The following FKBP8 variants were observed in gnomAD, a reference collection of about 807,000 sequenced individuals.
FKBP8 encodes the protein FKBP prolyl isomerase 8, also known as peptidyl-prolyl cis-trans isomerase FKBP8.
A neutral mutation model predicts 41.7 loss-of-function variants in FKBP8; 5 were observed. The observed-to-expected ratio is 0.12, with a 90% CI of 0.06 to 0.25. The LOEUF (loss-of-function observed/expected upper bound fraction) is 0.25. Among genes scored for constraint, FKBP8 ranks in the 10% least tolerant of loss-of-function variants. FKBP8 has a pLI of 1.00. For missense variants in FKBP8, 397 were observed against 563.0 expected (o/e 0.71, Z 2.98); for synonymous variants, 279 against 254.5 (o/e 1.10, Z -0.92).
intron 2 of FKBP8, among the ~76,000 whole-genome samples, chr19:18,540,700 T>C (rs1289760224): frequency 3.3e-5 from 5 of 152,086 alleles, no homozygotes; most frequent in African/African-American, 1.2e-4. Flanking sequence ...GGTGAAACCC[T>C]GTCTCTACTA....
In FKBP8 at chr19:18,537,816, AC is replaced by A; in HGVS notation, c.773-44del. 6.4e-7 allele frequency: 1 copy of A among 1,571,710 alleles called. No homozygotes were observed. Among genetic ancestry groups the A allele is most frequent in the South Asian group, 1.2e-5 (1 of 85,468 alleles). On this transcript the variant is annotated intron_variant, in intron 5 of 8. Coordinates refer to ENST00000608443, the MANE Select transcript of FKBP8 (RefSeq NM_012181.5). This position sits in a 1 kb window ranked among gnomAD's most constrained non-coding sequence, Gnocchi z 4.4. ...CCGCCACGGCAGCCGTCACCATGCC[AC>A]CAGACACCCCGGCACCCACCCCTCT...
Position 18,538,113 on chromosome 19 carries a change from T to C in FKBP8, c.772+103A>G. On this transcript the variant is annotated intron_variant, in intron 5 of 8. Transcript: ENST00000608443. The surrounding 1 kb of genome is among the most constrained non-coding windows in gnomAD (Gnocchi z 4.0). Reference sequence around the variant, plus strand: ...GGGGATCTACCCATATTCTGGGCTATTCTAGAATATTCTGAGTCTGAGGCT... The same window carrying C: ...GGGGATCTACCCATATTCTGGGCTACTCTAGAATATTCTGAGTCTGAGGCT... 8.0e-7 allele frequency: 1 copy of C among 1,246,454 alleles called. No homozygotes were observed. Among genetic ancestry groups the C allele is most frequent in the African/African-American group, 1.5e-5 (1 of 66,988 alleles). The allele number at this position is 1,246,454 out of a possible 1,614,324, so 77.2% of individuals were successfully genotyped here. A position where few individuals can be genotyped will look rare whatever the true frequency, so the allele number is the denominator to read the frequency against.
chr19:18,539,499 G>A, intron 3 of FKBP8, 40 bp from the exon 4 acceptor site: 1 of 1,611,780 alleles, frequency 6.2e-7, no homozygotes, highest in Non-Finnish European at 8.5e-7. Context: ...GGCAGACTCA[G>A]ACCCAGCAAG....
At position 18,532,811 on chromosome 19, in the gene FKBP8, G is replaced by T. The variant is rs990144544; in HGVS notation, c.1024-16C>A. ...CGTGGATCGTCTGCAGAAGGCAGGG[G>T]AAGCTGAGAACACGCAGCGGCCAAC... On this transcript the variant is annotated splice_polypyrimidine_tract_variant and intron_variant, in intron 7 of 8. Coordinates refer to ENST00000608443, the MANE Select transcript of FKBP8 (RefSeq NM_012181.5). 2 of 1,612,844 alleles carry T rather than the reference G, an allele frequency of 1.2e-6. No homozygotes were observed. Among genetic ancestry groups the T allele is most frequent in the African/African-American group, 2.7e-5 (2 of 75,064 alleles).
At chr19:18,534,999 G>C (rs1479990477) in intron 6 of FKBP8, among the ~76,000 whole-genome samples, 1 of 151,752 alleles carries the variant, frequency 6.6e-6, no homozygotes, top group East Asian at 1.9e-4. Flanking sequence ...TGGCCAGGCT[G>C]GTCTCAAACT....
At position 18,538,492 on chromosome 19, in the gene FKBP8, G is replaced by T; in HGVS notation, c.552-56C>A. ...CTCAGACCTGGTGACCCCTAAACCCGCTGGGCTGGCTAGGAAGGAGTGAGC... is the reference window on the plus strand; with the variant it reads ...CTCAGACCTGGTGACCCCTAAACCCTCTGGGCTGGCTAGGAAGGAGTGAGC... On this transcript the variant is annotated intron_variant, in intron 4 of 8. Coordinates refer to ENST00000608443, the MANE Select transcript of FKBP8 (RefSeq NM_012181.5). The surrounding 1 kb of genome is among the most constrained non-coding windows in gnomAD (Gnocchi z 4.0). 2 of 1,455,922 alleles carry T rather than the reference G, an allele frequency of 1.4e-6. No homozygotes were observed. The highest frequency in any genetic ancestry group is 1.2e-5 in the South Asian group (1 of 81,254). The allele number at this position is 1,455,922 out of a possible 1,614,324, so 90.2% of individuals were successfully genotyped here.
intron 2 of FKBP8, among the ~76,000 whole-genome samples, chr19:18,541,101 C>G (rs777707937): frequency 6.6e-6 from 1 of 151,758 alleles, no homozygotes; most frequent in Non-Finnish European, 1.5e-5. Flanking sequence ...ACTAACATTT[C>G]TCTTGTTTTC....
intron 1 of FKBP8, chr19:18,542,806 C>A: frequency 1.1e-6 from 1 of 934,604 alleles, no homozygotes; most frequent in Non-Finnish European, 1.5e-6. Context: ...ATAACCAACC[C>A]CTCCGTCCCC....
At chr19:18,535,723 CAAAAA>C (rs1287946475) in intron 6 of FKBP8, among the ~76,000 whole-genome samples, 1 of 55,470 alleles carries the variant, frequency 1.8e-5, no homozygotes, top group Non-Finnish European at 3.8e-5. Context: ...GACTCTGTCT[CAAAAA>C]AAAAAAAAAA....
intron 1 of FKBP8, among the ~76,000 whole-genome samples, chr19:18,542,727 C>A (rs1976734271): frequency 6.6e-6 from 1 of 151,998 alleles, no homozygotes; most frequent in African/African-American, 2.4e-5. Flanking sequence ...AAAGCAGCCT[C>A]CTTTCCAGGA....
intron 6 of FKBP8, among the ~76,000 whole-genome samples, chr19:18,534,008 CAAA>C (rs759049367): frequency 5.8e-5 from 2 of 34,442 alleles, no homozygotes; most frequent in Non-Finnish European, 6.0e-5. Flanking sequence ...GACTCCATCT[CAAA>C]AAAAAAAAAA....
chr19:18,541,741 A>G lies in FKBP8; in HGVS notation c.230T>C (p.Leu77Pro), dbSNP rs1976706732. The stretch of plus-strand genomic sequence containing the variant: ...GGCGGGCTCGGGCTCCATGGCAGCA[A>G]GGAACTCTCGGGCCAGGGCCCCAGG... ...EQPGALAREFLAAMEPEPAPA... is the reference protein window; with the variant it reads ...EQPGALAREFPAAMEPEPAPA... The change falls in exon 2 of 9, where the codon CTT becomes CCT. Residue 77 changes from leucine (L) to proline (P), a missense_variant. Transcript: ENST00000608443. 2.5e-6 allele frequency: 4 copies of G among 1,613,714 alleles called. No individual in the cohort carries two copies. The South Asian group carries it at 3.3e-5, about 13-fold the overall frequency.
intron 6 of FKBP8, among the ~76,000 whole-genome samples, chr19:18,533,834 G>A (rs1189944783): frequency 6.6e-6 from 1 of 151,670 alleles, no homozygotes; most frequent in Non-Finnish European, 1.5e-5. Context: ...GTGAAACCCT[G>A]TATCTACTAA....
In FKBP8 at chr19:18,532,068, G is replaced by A. The variant is rs1568408066; in HGVS notation, c.*101C>T. On this transcript the variant is annotated 3_prime_UTR_variant, in exon 9 of 9. Transcript: ENST00000608443. ...TCCTTGCTCCCCTAACCCGGAGGAG[G>A]GGGCCAGACCAGGGAGGGCAGTGGA... is the stretch of plus-strand genomic sequence containing the variant. The A allele has an allele frequency of 2.8e-6, 3 of 1,057,774 alleles. No homozygotes were observed. Among genetic ancestry groups the A allele is most frequent in the Non-Finnish European group, 4.3e-6 (3 of 704,380 alleles). 65.5% of individuals were successfully genotyped at this position (1,057,774 alleles called of 1,614,324 possible).
chr19:18,538,014 A>T lies in FKBP8; in HGVS notation c.772+202T>A. On this transcript the variant is annotated intron_variant, in intron 5 of 8. Coordinates refer to ENST00000608443, the MANE Select transcript of FKBP8 (RefSeq NM_012181.5). This position sits in a 1 kb window ranked among gnomAD's most constrained non-coding sequence, Gnocchi z 4.0. ...CTATGGTCACCCCATCCCCATATCC[A>T]CTTGCATTCTACAACACTCCACTGG... is the stretch of plus-strand genomic sequence containing the variant. 1 of 680,510 alleles carries T rather than the reference A, an allele frequency of 1.5e-6. No individual in the cohort carries two copies. Among genetic ancestry groups the T allele is most frequent in the Non-Finnish European group, 2.5e-6 (1 of 407,276 alleles). 42.2% of individuals were successfully genotyped at this position (680,510 alleles called of 1,614,324 possible).
In FKBP8 at chr19:18,538,995, T is replaced by C. The variant is rs945019823; in HGVS notation, c.551+376A>G. ...ACGCCTGGCTAATTTTTTGTATTTT[T>C]AGTAGAGACGGGGTTTCACCGTGCT... is the stretch of plus-strand genomic sequence containing the variant. On this transcript the variant is annotated intron_variant, in intron 4 of 8. Transcript: ENST00000608443. This position sits in a 1 kb window ranked among gnomAD's most constrained non-coding sequence, Gnocchi z 4.0. 1.3e-5 allele frequency among the ~76,000 whole-genome samples: 2 copies of C among 152,000 alleles called. No homozygotes were observed. Among genetic ancestry groups the C allele is most frequent in the Non-Finnish European group, 2.9e-5 (2 of 67,996 alleles).
chr19:18,532,803 A>G lies in FKBP8; in HGVS notation c.1024-8T>C. The stretch of plus-strand genomic sequence containing the variant: ...GAGCTCTGCGTGGATCGTCTGCAGA[A>G]GGCAGGGGAAGCTGAGAACACGCAG... On this transcript the variant is annotated splice_region_variant and splice_polypyrimidine_tract_variant and intron_variant, in intron 7 of 8. Transcript: ENST00000608443. The G allele has an allele frequency of 6.2e-7, 1 of 1,613,352 alleles. No individual in the cohort carries two copies. Among genetic ancestry groups the G allele is most frequent in the Non-Finnish European group, 8.5e-7 (1 of 1,179,872 alleles).
intron 6 of FKBP8, among the ~76,000 whole-genome samples, chr19:18,534,649 A>G (rs1342168733): frequency 4.0e-5 from 6 of 150,286 alleles, no homozygotes; most frequent in African/African-American, 1.5e-4. Flanking sequence ...TGGCATGATC[A>G]TAGCTCACTG....
intron 2 of FKBP8, 96 bp downstream of exon 2, chr19:18,541,583 C>G: frequency 2.7e-6 from 4 of 1,506,790 alleles, no homozygotes; most frequent in Non-Finnish European, 3.6e-6. Flanking sequence ...GTGGTGACCA[C>G]GTGACTTCCA....
Sources: allele counts gnomAD v4.1 joint callset (sites outside exome capture counted in the v4.1 genomes callset), GRCh38; gene constraint gnomAD v4.1.1; non-coding constraint Gnocchi (gnomAD v3.1); transcripts MANE v1.5; gene names NCBI Gene and HGNC (gene_info 2026-07-23, HGNC 2026-07-21).